The following C17orf75 variants were observed in gnomAD, a reference collection of about 807,000 sequenced individuals.
The protein encoded by C17orf75 is protein Njmu-R1.
A neutral mutation model predicts 49.6 loss-of-function variants in C17orf75; 32 were observed. The ratio of observed to expected loss-of-function variants is 0.65; its 90% CI spans 0.49 to 0.87. The LOEUF is 0.87. Among genes scored for constraint, C17orf75 ranks in the 40% least tolerant of loss-of-function variants. The pLI, the probability that C17orf75 is intolerant of heterozygous loss-of-function variation, is 0.00. For missense variants in C17orf75, 428 were observed against 473.9 expected, an observed-to-expected ratio of 0.90 and a Z score of 0.90; for synonymous variants, 158 against 159.5, an observed-to-expected ratio of 0.99 and a Z score of 0.07.
Position 32,339,942 on chromosome 17 carries a change from G to T in C17orf75, c.222-4C>A, listed in dbSNP as rs1597737229. 1 of 1,613,708 alleles carries T rather than the reference G, an allele frequency of 6.2e-7. No individual in the cohort carries two copies. Among genetic ancestry groups the T allele is most frequent in the South Asian group, 1.1e-5 (1 of 91,054 alleles). On this transcript the variant is annotated splice_region_variant and splice_polypyrimidine_tract_variant and intron_variant, in intron 2 of 9. Coordinates refer to ENST00000577809, the MANE Select transcript of C17orf75 (RefSeq NM_022344.4). ...ATTAGTATCTGCCAAGGAGAGGCTT[G>T]ACAAATGAAAGACACACATTCTTTA...
chr17:32,329,516 T>TA lies in C17orf75; in HGVS notation c.*2246dup, dbSNP rs2041257916. On this transcript the variant is annotated 3_prime_UTR_variant, in exon 10 of 10. Transcript: ENST00000577809. Reference sequence around the variant, plus strand: ...CCATTTCATTAAAAAAAAAAAAAGATAAAATAAGACTATCATATAGAGCTG... The same window carrying TA: ...CCATTTCATTAAAAAAAAAAAAAGATAAAAATAAGACTATCATATAGAGCTG... 6.6e-6 allele frequency: 1 copy of TA among 150,498 alleles called. No individual in the cohort carries two copies. Among genetic ancestry groups the TA allele is most frequent in the Non-Finnish European group, 1.5e-5 (1 of 67,600 alleles). 9.3% of individuals were successfully genotyped at this position (150,498 alleles called of 1,614,324 possible). A position where few individuals can be genotyped will look rare whatever the true frequency, so the allele number is the denominator to read the frequency against.
chr17:32,334,255 ATTTC>A (rs2150774550), intron 8 of C17orf75, among the ~76,000 whole-genome samples: 1 of 152,290 alleles, frequency 6.6e-6, no homozygotes, highest in African/African-American at 2.4e-5. Flanking sequence ...ACATACTAGA[ATTTC>A]TTTATGTACC....
rs768990260 is a variant in C17orf75 at position 32,331,950 on chromosome 17, C to A, written c.1004G>T (p.Arg335Ile). The change falls in exon 10 of 10, where the codon AGA becomes ATA. Residue 335 changes from arginine (R) to isoleucine (I), a missense_variant. Physicochemically the swap from Arg to Ile is moderately conservative, Grantham distance 97 (BLOSUM62 -3). Transcript: ENST00000577809. ...ATTCATTTCTGCCTGTCGGATAAATCTCTTCAAATTGTTTGTGTCTTGTAT... is the reference window on the plus strand; with the variant it reads ...ATTCATTTCTGCCTGTCGGATAAATATCTTCAAATTGTTTGTGTCTTGTAT... ...KAIQDTNNLK[R>I]FIRQAEMNHY... 15 of 1,612,826 alleles carry A rather than the reference C, an allele frequency of 9.3e-6. No homozygotes were observed. The East Asian group carries it at 3.3e-4, about 36-fold the overall frequency.
Position 32,339,875 on chromosome 17 carries a change from A to G in C17orf75, c.285T>C (p.Ala95=). 2 of 1,614,064 alleles carry G rather than the reference A, an allele frequency of 1.2e-6. No individual in the cohort carries two copies. The change falls in exon 3 of 10, where the codon GCT becomes GCC. Residue 95 remains alanine (A), a synonymous_variant. Transcript: ENST00000577809. The stretch of plus-strand genomic sequence containing the variant: ...AGACTGCACCTCTTGAAAGACGCTT[A>G]GCAATGAAACTGCGCAGCTCTGGCT... ...EVEPELRSFI[A]KRLSRGAVFE... is the part of the protein sequence containing the mutation.
intron 6 of C17orf75, 128 bp from the exon 7 acceptor site, chr17:32,334,967 T>C: frequency 1.4e-6 from 1 of 732,306 alleles, no homozygotes; most frequent in South Asian, 2.0e-5. Flanking sequence ...GGTCACAAGC[T>C]CTCCAGAGCC....
rs1447557122 is a variant in C17orf75, at chr17:32,330,211, T to TAA, written c.*1550_*1551dup. On this transcript the variant is annotated 3_prime_UTR_variant, in exon 10 of 10. Transcript: ENST00000577809. ...CTATACTGCCTACATTCCAAGTTATTAAAGTTTAAAACCGTATGAAAGCAT... is the reference window on the plus strand; with the variant it reads ...CTATACTGCCTACATTCCAAGTTATTAAAAAGTTTAAAACCGTATGAAAGCAT... The TAA allele has an allele frequency of 7.2e-5, 11 of 152,332 alleles. No individual in the cohort carries two copies. In the East Asian group the frequency reaches 1.9e-3, roughly 27 times the overall value. 9.4% of individuals were successfully genotyped at this position (152,332 alleles called of 1,614,324 possible). A position where few individuals can be genotyped will look rare whatever the true frequency, so the allele number is the denominator to read the frequency against.
At chr17:32,338,166 T>A in intron 4 of C17orf75, 42 bp downstream of exon 4, 1 of 1,596,354 alleles carries the variant, frequency 6.3e-7, no homozygotes. Context: ...TGCCTTCCCA[T>A]GTTTTCCTTC....
chr17:32,330,650 ACT>A lies in C17orf75; in HGVS notation c.*1111_*1112del, dbSNP rs886120096. The A allele has an allele frequency of 3.3e-4, 50 of 152,256 alleles. No homozygotes were observed. The highest frequency in any genetic ancestry group is 9.9e-4 in the African/African-American group (41 of 41,532). 9.4% of individuals were successfully genotyped at this position (152,256 alleles called of 1,614,324 possible). ...TACAAAAAACTAAAATCAATGAGTA[ACT>A]CTAATAGGAAGAAACTGTTTGCATT... On this transcript the variant is annotated 3_prime_UTR_variant, in exon 10 of 10. Transcript: ENST00000577809.
At chr17:32,348,165 G>A (rs1266024282) in intron 1 of C17orf75, among the ~76,000 whole-genome samples, 1 of 151,862 alleles carries the variant, frequency 6.6e-6, no homozygotes, top group Non-Finnish European at 1.5e-5. Context: ...TTACAGGCGT[G>A]CCCCACCACG....
At position 32,332,848 on chromosome 17, in the gene C17orf75, C is replaced by A. The variant is rs577564294; in HGVS notation, c.975+569G>T. Among the ~76,000 whole-genome samples the A allele has an allele frequency of 4.4e-4, 67 of 152,114 alleles. No homozygotes were observed. The South Asian group carries it at 0.013, about 30-fold the overall frequency. On this transcript the variant is annotated intron_variant, in intron 9 of 9. Transcript: ENST00000577809. ...TTTTTTAGACAGAGTCTCACTCTGT[C>A]ACCTAGGTCGGAGTGCAGTGGCACA...
Position 32,334,492 on chromosome 17 carries a change from G to A in C17orf75, c.848C>T (p.Ser283Phe), listed in dbSNP as rs558393012. 4 of 1,612,376 alleles carry A rather than the reference G, an allele frequency of 2.5e-6. No homozygotes were observed. The East Asian group carries it at 8.9e-5, about 36-fold the overall frequency. The part of the protein sequence containing the change: ...HKSVVIDCSS[S>F]QPQFCNAGSN... The stretch of plus-strand genomic sequence containing the variant: ...ACCTGCATTGCAGAACTGAGGCTGG[G>A]AGCTGCTGCAATCGATGACCACAGA... The change falls in exon 8 of 10, where the codon TCC (serine) becomes TTC (phenylalanine). Residue 283 changes from serine (S) to phenylalanine (F), a missense_variant. Transcript: ENST00000577809.
intron 6 of C17orf75, 61 bp downstream of exon 6, chr17:32,335,262 G>A: frequency 6.3e-7 from 1 of 1,582,338 alleles, no homozygotes; most frequent in South Asian, 1.1e-5. Context: ...AAATGAGTAT[G>A]TTTCTAAATC....
intron 1 of C17orf75, among the ~76,000 whole-genome samples, chr17:32,349,336 C>A (rs2041460355): frequency 6.6e-6 from 1 of 151,704 alleles, no homozygotes; most frequent in Admixed American, 6.6e-5. Flanking sequence ...CAATCCAGCA[C>A]TTTGGGAGGC....
At chr17:32,335,914 G>T (rs2041320570) in intron 5 of C17orf75, among the ~76,000 whole-genome samples, 1 of 152,100 alleles carries the variant, frequency 6.6e-6, no homozygotes, top group African/African-American at 2.4e-5. Context: ...ATGTGAATGG[G>T]GAAGGATACA....
Position 32,331,417 on chromosome 17 carries a change from A to G in C17orf75, c.*346T>C, listed in dbSNP as rs1597731628. ...AAAAGGAAGTATTATGGTTTTTCTG[A>G]GAAGAAAAGTTGCTAAATACTGCAG... On this transcript the variant is annotated 3_prime_UTR_variant, in exon 10 of 10. Coordinates refer to ENST00000577809, the MANE Select transcript of C17orf75 (RefSeq NM_022344.4). 1 of 225,894 alleles carries G rather than the reference A, an allele frequency of 4.4e-6. No individual in the cohort carries two copies. Among genetic ancestry groups the G allele is most frequent in the East Asian group, 1.1e-4 (1 of 9,322 alleles). 14.0% of individuals were successfully genotyped at this position (225,894 alleles called of 1,614,324 possible). A position where few individuals can be genotyped will look rare whatever the true frequency, so the allele number is the denominator to read the frequency against.
At chr17:32,346,352 C>G (rs1026210016), upstream of C17orf75, among the ~76,000 whole-genome samples, 40 of 152,134 alleles carry the variant, frequency 2.6e-4, no homozygotes, top group African/African-American at 9.7e-4. Context: ...CCCAGGAGAT[C>G]AAGGCTGCAG....
chr17:32,335,248 G>C, intron 6 of C17orf75, 75 bp downstream of exon 6: 1 of 1,535,656 alleles, frequency 6.5e-7, no homozygotes, highest in East Asian at 2.3e-5. Context: ...GTCATGTTCA[G>C]AGAAAATGAG....
chr17:32,344,922 A>T (rs551253024), upstream of C17orf75, among the ~76,000 whole-genome samples: 331 of 151,426 alleles, frequency 2.2e-3, no homozygotes, highest in African/African-American at 7.1e-3. Flanking sequence ...AAAATAAATA[A>T]AAATAAAAAA....
Position 32,330,543 on chromosome 17 carries a change from G to A in C17orf75, c.*1220C>T, listed in dbSNP as rs1350482616. On this transcript the variant is annotated 3_prime_UTR_variant, in exon 10 of 10. Coordinates refer to ENST00000577809, the MANE Select transcript of C17orf75 (RefSeq NM_022344.4). ...CAATTGTATGTATGTAGCTACATAGGCTTCCATGGGAATTGTAAATGGCTA... is the reference window on the plus strand; with the variant it reads ...CAATTGTATGTATGTAGCTACATAGACTTCCATGGGAATTGTAAATGGCTA... 6.6e-6 allele frequency: 1 copy of A among 152,182 alleles called. No homozygotes were observed. The highest frequency in any genetic ancestry group is 1.5e-5 in the Non-Finnish European group (1 of 68,042). 9.4% of individuals were successfully genotyped at this position (152,182 alleles called of 1,614,324 possible). A position where few individuals can be genotyped will look rare whatever the true frequency, so the allele number is the denominator to read the frequency against.
Sources: allele counts gnomAD v4.1 joint callset (sites outside exome capture counted in the v4.1 genomes callset), GRCh38; gene constraint gnomAD v4.1.1; transcripts MANE v1.5; gene names NCBI Gene and HGNC (gene_info 2026-07-23, HGNC 2026-07-21).